The following ARID4B variants were observed in gnomAD, a reference collection of about 807,000 sequenced individuals.
The protein encoded by ARID4B is AT-rich interaction domain 4B.
In ARID4B, 26 loss-of-function variants were observed where a neutral mutation model predicts 147.5. The ratio of observed to expected loss-of-function variants is 0.18; its 90% CI spans 0.13 to 0.24. The LOEUF is 0.24. Ranked by LOEUF, ARID4B falls within the 10% of genes least tolerant of loss-of-function variation. ARID4B has a pLI of 1.00. For missense variants in ARID4B, 1,179 were observed against 1,511.5 expected, an observed-to-expected ratio of 0.78 and a Z score of 3.65; for synonymous variants, 512 against 507.9, an observed-to-expected ratio of 1.01 and a Z score of -0.11.
Position 235,172,732 on chromosome 1 carries a change from T to C in ARID4B, c.3697A>G (p.Ile1233Val). ...DLENMTSAER[I>V]TILQEKLQEI... is the part of the protein sequence containing the mutation. ...TGAAGTTTTTCTTGAAGAATTGTGA[T>C]GCGTTCGGCACTTGTCATATTTTCC... Residue 1233 changes from isoleucine to valine, a missense_variant, in exon 23 of 24, where the codon ATC becomes GTC. By Grantham distance (29) the Ile-to-Val change is conservative (BLOSUM62 3). Coordinates refer to ENST00000264183, the MANE Select transcript of ARID4B (RefSeq NM_016374.6). 1 of 1,603,734 alleles carries C rather than the reference T, an allele frequency of 6.2e-7. No individual in the cohort carries two copies. Among genetic ancestry groups the C allele is most frequent in the Non-Finnish European group, 8.5e-7 (1 of 1,176,554 alleles).
At chr1:235,203,076 T>C (rs570748775) in intron 17 of ARID4B, among the ~76,000 whole-genome samples, 1 of 152,326 alleles carries the variant, frequency 6.6e-6, no homozygotes, top group South Asian at 2.1e-4. Context: ...AACGTGAAAC[T>C]TTCTGAAAGA....
At position 235,194,015 on chromosome 1, in the gene ARID4B, T is replaced by G. The variant is rs1437243641; in HGVS notation, c.2123A>C (p.Gln708Pro). 6 of 1,588,700 alleles carry G rather than the reference T, an allele frequency of 3.8e-6. No homozygotes were observed. In the East Asian group the frequency reaches 1.3e-4, roughly 36 times the overall value. ...AACAGAACGATTGTTATGTTTACCT[T>G]GAAGTCCATTAAGGATCGAAGTAAT... is the stretch of plus-strand genomic sequence containing the variant. ...IEITSILNGL[Q>P]ASESSAEDSE... The change falls in exon 19 of 24, where the codon CAA becomes CCA. Residue 708 changes from glutamine (Q) to proline (P), a missense_variant and splice_region_variant. Coordinates refer to ENST00000264183, the MANE Select transcript of ARID4B (RefSeq NM_016374.6).
At position 235,257,181 on chromosome 1, in the gene ARID4B, G is replaced by A. The variant is rs575405740; in HGVS notation, c.162C>T (p.Asp54=). The change falls in exon 4 of 24, where the codon GAC becomes GAT. Residue 54 remains aspartate (D), a synonymous_variant. Transcript: ENST00000264183. The part of the protein sequence containing the change: ...HDSSTVEVQD[D]HIKGPLKVGA... ...TTACCTTTAGTGGGCCCTTTATGTG[G>A]TCATCCTGAACTTCCACTGTTGAAG... 1.9e-5 allele frequency: 31 copies of A among 1,612,032 alleles called. No homozygotes were observed. In the Middle Eastern group the frequency reaches 6.6e-4, roughly 34 times the overall value.
intron 17 of ARID4B, among the ~76,000 whole-genome samples, chr1:235,201,165 A>T (rs1027290836): frequency 6.6e-6 from 1 of 152,086 alleles, no homozygotes; most frequent in African/African-American, 2.4e-5. Context: ...AAAATAAATA[A>T]AAATAAAGTA....
At chr1:235,282,379 C>T (rs1157548290) in intron 2 of ARID4B, among the ~76,000 whole-genome samples, 2 of 152,190 alleles carry the variant, frequency 1.3e-5, no homozygotes, top group Non-Finnish European at 2.9e-5. Flanking sequence ...AGGATATAAT[C>T]AACGCAAAGC....
At chr1:235,243,606 A>C (rs1451407324) in intron 7 of ARID4B, among the ~76,000 whole-genome samples, 1 of 152,152 alleles carries the variant, frequency 6.6e-6, no homozygotes, top group African/African-American at 2.4e-5. Context: ...AACTCTAATT[A>C]GTTGTAAATC....
chr1:235,191,908 T>C (rs1281986829), intron 19 of ARID4B, among the ~76,000 whole-genome samples: 2 of 151,998 alleles, frequency 1.3e-5, no homozygotes, highest in Non-Finnish European at 2.9e-5. Context: ...TGAAACCCCA[T>C]CTCTACAAAA....
intron 19 of ARID4B, among the ~76,000 whole-genome samples, chr1:235,193,195 G>A (rs1410679070): frequency 6.6e-6 from 1 of 152,072 alleles, no homozygotes; most frequent in Non-Finnish European, 1.5e-5. Flanking sequence ...CTAGGAGCTC[G>A]AGACGAGCCT....
At chr1:235,301,185 C>T (rs114382931) in intron 2 of ARID4B, among the ~76,000 whole-genome samples, 74 of 151,466 alleles carry the variant, frequency 4.9e-4, no homozygotes, top group Non-Finnish European at 1.0e-3. Flanking sequence ...CACACCCAGG[C>T]GAATCTACTT....
At chr1:235,311,714 C>T (rs1475740344) in intron 2 of ARID4B, among the ~76,000 whole-genome samples, 2 of 150,634 alleles carry the variant, frequency 1.3e-5, no homozygotes, top group Non-Finnish European at 3.0e-5. Flanking sequence ...GCAGAGGTTG[C>T]AGTGAGCCAA....
intron 11 of ARID4B, chr1:235,229,022 T>G: frequency 1.9e-6 from 1 of 536,002 alleles, no homozygotes; most frequent in South Asian, 3.0e-5. Context: ...ATTAGGAAAA[T>G]CAGGCTTAAT....
At chr1:235,325,672 G>A (rs986689765) in intron 2 of ARID4B, among the ~76,000 whole-genome samples, 1 of 152,178 alleles carries the variant, frequency 6.6e-6, no homozygotes. Flanking sequence ...GAGAGTTATA[G>A]CTAGGATTTG....
At chr1:235,218,888 CAG>C (rs1217245622) in intron 16 of ARID4B, among the ~76,000 whole-genome samples, 3 of 119,736 alleles carry the variant, frequency 2.5e-5, no homozygotes, top group African/African-American at 6.1e-5. Flanking sequence ...TTTTTTGAGA[CAG>C]AGTCTCACTC....
intron 19 of ARID4B, among the ~76,000 whole-genome samples, chr1:235,183,642 T>TC (rs1050658988): frequency 1.3e-5 from 2 of 152,180 alleles, no homozygotes; most frequent in Admixed American, 6.5e-5. Flanking sequence ...GCTCAAGAGA[T>TC]CCTCCCACCT....
rs1675314898 is a variant in ARID4B, at chr1:235,326,923, G to A, written c.-4C>T. 1.2e-6 allele frequency: 2 copies of A among 1,614,000 alleles called. No individual in the cohort carries two copies. The highest frequency in any genetic ancestry group is 1.7e-6 in the Non-Finnish European group (2 of 1,179,896). On this transcript the variant is annotated 5_prime_UTR_variant, in exon 2 of 24. Transcript: ENST00000264183. Reference sequence around the variant, plus strand: ...CCGCAGGCAATCTTACCTTCATGATGACTCTGGGACCAAGGTATCCTCTAA... The same window carrying A: ...CCGCAGGCAATCTTACCTTCATGATAACTCTGGGACCAAGGTATCCTCTAA...
intron 17 of ARID4B, among the ~76,000 whole-genome samples, chr1:235,209,510 G>GA (rs1424754924): frequency 2.0e-5 from 3 of 147,286 alleles, no homozygotes; most frequent in Non-Finnish European, 4.5e-5. Context: ...ATTTTAGTTA[G>GA]AAAAAAAAGA....
intron 19 of ARID4B, chr1:235,187,043 C>T (rs61837207): frequency 0.04 from 14,947 of 375,722 alleles, 408 homozygotes; most frequent in South Asian, 0.051. Flanking sequence ...TTTTTCACTG[C>T]ATCTTATTCT....
intron 2 of ARID4B, among the ~76,000 whole-genome samples, chr1:235,292,129 T>C (rs1364821278): frequency 1.4e-4 from 22 of 152,228 alleles, no homozygotes; most frequent in Admixed American, 1.4e-3. Flanking sequence ...ATGTAAGTTG[T>C]TTGCTTCTTC....
At chr1:235,301,783 C>T (rs1430223496) in intron 2 of ARID4B, among the ~76,000 whole-genome samples, 1 of 151,602 alleles carries the variant, frequency 6.6e-6, no homozygotes, top group Non-Finnish European at 1.5e-5. Context: ...GGCCTGATCT[C>T]AGCTCACTGC....
Sources: gnomAD v4.1 joint callset for allele counts (sites outside exome capture counted in the v4.1 genomes callset) on GRCh38, gnomAD v4.1.1 for gene constraint, MANE v1.5 for transcripts, NCBI Gene and HGNC (gene_info 2026-07-23, HGNC 2026-07-21) for gene names.